FLT1: variants seen among roughly 807,000 people sequenced by gnomAD.
FLT1 encodes the protein vascular endothelial growth factor receptor 1.
In FLT1, 49 loss-of-function variants were observed where a neutral mutation model predicts 156.3. The ratio of observed to expected loss-of-function variants is 0.31; its 90% CI spans 0.25 to 0.40. FLT1 has a LOEUF of 0.40. Ranked by LOEUF, FLT1 falls within the 10% of genes least tolerant of loss-of-function variation. The pLI is 1.00. For missense variants in FLT1, 1,322 were observed against 1,637.2 expected (o/e 0.81, Z 3.32); for synonymous variants, 594 against 583.8 (o/e 1.02, Z -0.25).
At chr13:28,329,799 G>T in intron 18 of FLT1, 71 bp from the exon 19 acceptor site, 1 of 1,277,376 alleles carries the variant, frequency 7.8e-7, no homozygotes. Flanking sequence ...CGGCATTCTT[G>T]CCCTCCTTGT....
In FLT1 at chr13:28,400,358, A is replaced by G. The variant is rs190216732; in HGVS notation, c.1552-3290T>C. On this transcript the variant is annotated intron_variant, in intron 11 of 29. Coordinates refer to ENST00000282397, the MANE Select transcript of FLT1 (RefSeq NM_002019.4). ...TTTGATAAATACAATGGTTATCACT[A>G]AAGAAGAAAAGTTAAAAATAAGGTG... Among the ~76,000 whole-genome samples the G allele has an allele frequency of 1.2e-4, 19 of 152,344 alleles. 1 individual carries two copies. The highest frequency in any genetic ancestry group is 1.1e-3 in the Admixed American group (17 of 15,308).
At position 28,489,857 on chromosome 13, in the gene FLT1, A is replaced by G. The variant is rs144169201; in HGVS notation, c.64+4923T>C. Among the ~76,000 whole-genome samples the G allele has an allele frequency of 1.4e-4, 21 of 152,320 alleles. No individual in the cohort carries two copies. In the East Asian group the frequency reaches 3.7e-3, roughly 27 times the overall value. On this transcript the variant is annotated intron_variant, in intron 1 of 29. Transcript: ENST00000282397. ...GTAAGGAAAGTTAATCTTCTCATCA[A>G]ATCTCTTGGCATGCTACTAAGCAGC...
chr13:28,372,424 T>A (rs946103314), intron 14 of FLT1, among the ~76,000 whole-genome samples: 1 of 150,798 alleles, frequency 6.6e-6, no homozygotes, highest in African/African-American at 2.4e-5. Flanking sequence ...TGCACACGTA[T>A]AGGTTAAAAA....
At chr13:28,466,590 G>T in intron 3 of FLT1, 1 of 373,810 alleles carries the variant, frequency 2.7e-6, no homozygotes, top group South Asian at 3.0e-5. Context: ...CAATAACTAA[G>T]AAATAGAACT....
rs775734015 is a variant in FLT1, at chr13:28,303,358, T to C, written c.3826A>G (p.Thr1276Ala). The change falls in exon 30 of 30, where the codon ACC becomes GCC. Residue 1276 changes from threonine to alanine, a missense_variant. Physicochemically the swap from Thr to Ala is moderately conservative, Grantham distance 58 (BLOSUM62 0). Around this residue, in one of 3 missense-constraint regions of FLT1, gnomAD observed 329 missense variants for 366.2 expected, o/e 0.90. Coordinates refer to ENST00000282397, the MANE Select transcript of FLT1 (RefSeq NM_002019.4). ...AGCCCCGACTCCTTACTTTTACTGGTTACTCTCAAGCTAAAGAAAGAAAGG... is the reference window on the plus strand; with the variant it reads ...AGCCCCGACTCCTTACTTTTACTGGCTACTCTCAAGCTAAAGAAAGAAAGG... ...KASLKIDLRV[T>A]SKSKESGLSD... 2 of 1,613,696 alleles carry C rather than the reference T, an allele frequency of 1.2e-6. No individual in the cohort carries two copies. The highest frequency in any genetic ancestry group is 2.7e-5 in the African/African-American group (2 of 74,910).
In FLT1 at chr13:28,372,074, A is replaced by ATTTTTT. The variant is rs1290920015; in HGVS notation, c.2116+12810_2116+12811insAAAAAA. 5.4e-3 allele frequency among the ~76,000 whole-genome samples: 76 copies of ATTTTTT among 14,166 alleles called. 1 individual carries two copies. Among genetic ancestry groups the ATTTTTT allele is most frequent in the African/African-American group, 8.3e-3 (41 of 4,964 alleles). 9.3% of individuals were successfully genotyped at this position (14,166 alleles called of 152,430 possible). A position where few individuals can be genotyped will look rare whatever the true frequency, so the allele number is the denominator to read the frequency against. On this transcript the variant is annotated intron_variant, in intron 14 of 29. Coordinates refer to ENST00000282397, the MANE Select transcript of FLT1 (RefSeq NM_002019.4). The stretch of plus-strand genomic sequence containing the variant: ...TATATATATATATATATATATATAT[A>ATTTTTT]TATTTTTTTTTTTTTTTTTTTTTTT...
At chr13:28,472,042 G>A (rs1236225789) in intron 1 of FLT1, among the ~76,000 whole-genome samples, 1 of 152,184 alleles carries the variant, frequency 6.6e-6, no homozygotes, top group Non-Finnish European at 1.5e-5. Context: ...CTGACACTTT[G>A]TATTGATCTT....
chr13:28,409,698 G>A (rs1425496322), intron 10 of FLT1, among the ~76,000 whole-genome samples: 1 of 152,110 alleles, frequency 6.6e-6, no homozygotes, highest in East Asian at 1.9e-4. Flanking sequence ...GATCATTTCA[G>A]AACCTGTGCA....
At chr13:28,391,018 C>T (rs192755065) in intron 12 of FLT1, among the ~76,000 whole-genome samples, 1 of 152,272 alleles carries the variant, frequency 6.6e-6, no homozygotes, top group East Asian at 1.9e-4. Context: ...CAGAGAGGAG[C>T]CCGCTGACTT....
At position 28,405,838 on chromosome 13, in the gene FLT1, A is replaced by G. The variant is rs1481753902; in HGVS notation, c.1493T>C (p.Met498Thr). The G allele has an allele frequency of 1.2e-6, 2 of 1,611,378 alleles. No individual in the cohort carries two copies. Among genetic ancestry groups the G allele is most frequent in the East Asian group, 2.2e-5 (1 of 44,858 alleles). ...ESFILDADSN[M>T]GNRIESITQR... ...AGTGATGCTCTCAATTCTGTTTCCC[A>G]TGTTGCTGTCAGCATCCAGGATAAA... The change falls in exon 11 of 30, where the codon ATG becomes ACG. Residue 498 changes from methionine (M) to threonine (T), a missense_variant. Met to Thr is a moderately conservative substitution (Grantham distance 81, BLOSUM62 -1). Around this residue, in one of 3 missense-constraint regions of FLT1, gnomAD observed 991 missense variants for 1,254.8 expected, o/e 0.79. Coordinates refer to ENST00000282397, the MANE Select transcript of FLT1 (RefSeq NM_002019.4).
intron 18 of FLT1, among the ~76,000 whole-genome samples, chr13:28,333,234 C>CA (rs1871995123): frequency 6.6e-6 from 1 of 152,210 alleles, no homozygotes; most frequent in Non-Finnish European, 1.5e-5. Flanking sequence ...CAAAATTTCC[C>CA]AGCAGTATCC....
chr13:28,334,099 T>A lies in FLT1; in HGVS notation c.2519A>T (p.Lys840Ile). 1.2e-6 allele frequency: 2 copies of A among 1,613,840 alleles called. No individual in the cohort carries two copies. Among genetic ancestry groups the A allele is most frequent in the South Asian group, 2.2e-5 (2 of 91,088 alleles). ...GKSLGRGAFGKVVQASAFGIK... is the reference protein window; with the variant it reads ...GKSLGRGAFGIVVQASAFGIK... ...GCCAAATGCTGATGCTTGAACCACT[T>A]TTCCAAAAGCCCCTCTTCCAAGTGA... The change falls in exon 18 of 30, where the codon AAA (lysine) becomes ATA (isoleucine). Residue 840 changes from lysine (K) to isoleucine (I), a missense_variant. Around this residue, in one of 3 missense-constraint regions of FLT1, gnomAD observed 991 missense variants for 1,254.8 expected, o/e 0.79. Coordinates refer to ENST00000282397, the MANE Select transcript of FLT1 (RefSeq NM_002019.4).
chr13:28,402,775 C>T (rs969323695), intron 11 of FLT1, among the ~76,000 whole-genome samples: 1 of 151,954 alleles, frequency 6.6e-6, no homozygotes, highest in African/African-American at 2.4e-5. Context: ...CTTTACGTTA[C>T]GTTACGTTAT....
In FLT1 at chr13:28,466,888, A is replaced by C; in HGVS notation, c.388+15T>G. 1 of 1,541,126 alleles carries C rather than the reference A, an allele frequency of 6.5e-7. No individual in the cohort carries two copies. Among genetic ancestry groups the C allele is most frequent in the African/African-American group, 1.4e-5 (1 of 73,680 alleles). On this transcript the variant is annotated intron_variant, in intron 3 of 29. Coordinates refer to ENST00000282397, the MANE Select transcript of FLT1 (RefSeq NM_002019.4). ...AAAGCAAAAGCAAACAGAATGTAGAAAATGGAAGTCTTACCACTAATAAAT... is the reference window on the plus strand; with the variant it reads ...AAAGCAAAAGCAAACAGAATGTAGACAATGGAAGTCTTACCACTAATAAAT...
intron 12 of FLT1, among the ~76,000 whole-genome samples, chr13:28,395,555 AGTTTGGATATATTGG>A: frequency 6.6e-6 from 1 of 152,206 alleles, no homozygotes; most frequent in South Asian, 2.1e-4. Context: ...AAATCACAAT[AGTTTGGATATATTGG>A]GTTAAATAAA....
chr13:28,473,671 AAGAGAG>A lies in FLT1; in HGVS notation c.65-6060_65-6055del, dbSNP rs1227557664. ...AAAGAAAGAAAGAAAGAAAGAAAGA[AAGAGAG>A]AGAGAGAGAGAGAGAGAAAGAAAAG... On this transcript the variant is annotated intron_variant, in intron 1 of 29. Coordinates refer to ENST00000282397, the MANE Select transcript of FLT1 (RefSeq NM_002019.4). Among the ~76,000 whole-genome samples the A allele has an allele frequency of 6.0e-3, 708 of 118,318 alleles. 10 individuals carry two copies. Among genetic ancestry groups the A allele is most frequent in the Middle Eastern group, 0.024 (6 of 254 alleles). 77.6% of individuals were successfully genotyped at this position (118,318 alleles called of 152,430 possible). A position where few individuals can be genotyped will look rare whatever the true frequency, so the allele number is the denominator to read the frequency against.
chr13:28,322,200 T>G lies in FLT1; in HGVS notation c.3051+62A>C. 1 of 1,004,170 alleles carries G rather than the reference T, an allele frequency of 1.0e-6. No individual in the cohort carries two copies. The highest frequency in any genetic ancestry group is 1.6e-6 in the Non-Finnish European group (1 of 625,404). The allele number at this position is 1,004,170 out of a possible 1,614,324, so 62.2% of individuals were successfully genotyped here. A position where few individuals can be genotyped will look rare whatever the true frequency, so the allele number is the denominator to read the frequency against. On this transcript the variant is annotated intron_variant, in intron 22 of 29. Transcript: ENST00000282397. The surrounding 1 kb of genome is among the most constrained non-coding windows in gnomAD (Gnocchi z 4.3). Reference sequence around the variant, plus strand: ...TCAGCAAATACTAGGAAAAATGAATTTATAGCAAAGGTGTGTGTCCAGCCC... The same window carrying G: ...TCAGCAAATACTAGGAAAAATGAATGTATAGCAAAGGTGTGTGTCCAGCCC...
At chr13:28,429,650 G>T (rs917668371) in intron 8 of FLT1, among the ~76,000 whole-genome samples, 2 of 152,094 alleles carry the variant, frequency 1.3e-5, no homozygotes, top group South Asian at 2.1e-4. Flanking sequence ...GTATATAAAA[G>T]AATTATTTTC....
chr13:28,485,816 G>C (rs1881125866), intron 1 of FLT1, among the ~76,000 whole-genome samples: 10 of 152,168 alleles, frequency 6.6e-5, no homozygotes, highest in Admixed American at 5.9e-4. Flanking sequence ...GGGAAAGGAA[G>C]CCCCGGCCAG....
Sources: gnomAD v4.1 joint callset for allele counts (sites outside exome capture counted in the v4.1 genomes callset) on GRCh38, gnomAD v4.1.1 for gene constraint, gnomAD v4.1.1 regional missense constraint, Gnocchi (gnomAD v3.1) non-coding constraint, MANE v1.5 for transcripts, NCBI Gene and HGNC (gene_info 2026-07-23, HGNC 2026-07-21) for gene names.